Variants in NCKAP5 observed in about 807,000 individuals in gnomAD.
NCKAP5 encodes nck-associated protein 5.
Under a neutral mutation model 167.0 loss-of-function variants are expected in NCKAP5, and 92 were observed. That is an observed-to-expected ratio of 0.55 (90% CI 0.47 to 0.66). The LOEUF (loss-of-function observed/expected upper bound fraction) is 0.66, where lower values mean the gene tolerates loss of function less well. NCKAP5 is among the 30% of genes least tolerant of loss of function. The probability of loss-of-function intolerance (pLI) is 0.00; values close to 1 mark genes in which losing one functional copy is unlikely to be tolerated. For synonymous variants in NCKAP5, 891 were observed against 877.4 expected, an observed-to-expected ratio of 1.02 and a Z score of -0.27; for missense variants, 2,378 against 2,315.0, an observed-to-expected ratio of 1.03 and a Z score of -0.56.
chr2:132,820,252 CAG>C (rs1558819755), intron 11 of NCKAP5, among the ~76,000 whole-genome samples: 1 of 150,534 alleles, frequency 6.6e-6, no homozygotes, highest in African/African-American at 2.4e-5. Flanking sequence ...TTTTAAGAGA[CAG>C]AGTCTCACTC....
the NCKAP5 span, among the ~76,000 whole-genome samples, chr2:133,617,709 A>G: frequency 1.3e-5 from 2 of 151,664 alleles, no homozygotes; most frequent in Middle Eastern, 3.4e-3. Flanking sequence ...AATCAATATC[A>G]TGAAAATGGC....
At chr2:132,882,355 A>G (rs1691827744) in intron 8 of NCKAP5, among the ~76,000 whole-genome samples, 1 of 152,116 alleles carries the variant, frequency 6.6e-6, no homozygotes, top group South Asian at 2.1e-4. Context: ...TCCTACATGC[A>G]CAGGCTCAAC....
intron 3 of NCKAP5, among the ~76,000 whole-genome samples, chr2:133,457,285 C>T (rs2151218193): frequency 6.6e-6 from 1 of 152,268 alleles, no homozygotes; most frequent in South Asian, 2.1e-4. Flanking sequence ...GAATTTAGAG[C>T]ATTTTAAGAT....
chr2:133,159,183 G>C (rs977480593), intron 5 of NCKAP5, among the ~76,000 whole-genome samples: 1 of 152,102 alleles, frequency 6.6e-6, no homozygotes, highest in Non-Finnish European at 1.5e-5. Context: ...TGCGCCCAGT[G>C]CTGGCTCTGA....
At chr2:133,606,490 T>C in the NCKAP5 span, among the ~76,000 whole-genome samples, 1,118 of 152,246 alleles carry the variant, frequency 7.3e-3, 13 homozygotes, top group African/African-American at 0.026. Flanking sequence ...AATTTTAAAA[T>C]ACCCAACGCC....
At position 133,128,945 on chromosome 2, in the gene NCKAP5, ATTTT is replaced by A. The variant is rs10584100; in HGVS notation, c.341+1029_341+1032del. Among the ~76,000 whole-genome samples the A allele has an allele frequency of 9.8e-4, 127 of 130,056 alleles. 1 individual carries two copies. Among genetic ancestry groups the A allele is most frequent in the Admixed American group, 4.6e-3 (60 of 13,118 alleles). The allele number at this position is 130,056 out of a possible 152,430, so 85.3% of individuals were successfully genotyped here. ...TCTTTTTAAGGACAGAAACTCACTG[ATTTT>A]TTTTTTTTTTTTTTTTTTACTACTC... is the stretch of plus-strand genomic sequence containing the variant. On this transcript the variant is annotated intron_variant, in intron 6 of 19. Transcript: ENST00000409261.
chr2:133,429,293 C>CTT (rs11368799), intron 3 of NCKAP5, among the ~76,000 whole-genome samples: 4 of 151,022 alleles, frequency 2.6e-5, no homozygotes, highest in African/African-American at 7.4e-5. Context: ...TTTGGAGCTA[C>CTT]TTTTTTTTAA....
intron 4 of NCKAP5, among the ~76,000 whole-genome samples, chr2:133,293,234 T>C (rs1220509213): frequency 6.6e-6 from 1 of 152,184 alleles, no homozygotes; most frequent in African/African-American, 2.4e-5. Context: ...ATATGTTCTA[T>C]GATGAATTAA....
chr2:133,475,559 A>G (rs1679808235), intron 3 of NCKAP5, among the ~76,000 whole-genome samples: 1 of 152,210 alleles, frequency 6.6e-6, no homozygotes, highest in African/African-American at 2.4e-5. Context: ...GATCGAATAA[A>G]CAAATAAAGG....
chr2:133,453,881 T>C (rs959721923), intron 3 of NCKAP5, among the ~76,000 whole-genome samples: 8 of 151,710 alleles, frequency 5.3e-5, no homozygotes, highest in Middle Eastern at 3.4e-3. Flanking sequence ...AAGAAAGAAT[T>C]ACAGGAGAAA....
At chr2:132,940,610 A>G (rs1697225019) in intron 8 of NCKAP5, among the ~76,000 whole-genome samples, 1 of 152,220 alleles carries the variant, frequency 6.6e-6, no homozygotes, top group Non-Finnish European at 1.5e-5. Context: ...TATGATTGAC[A>G]GGATATTATG....
intron 6 of NCKAP5, among the ~76,000 whole-genome samples, chr2:133,107,005 A>G (rs1213510281): frequency 1.3e-5 from 2 of 152,116 alleles, no homozygotes; most frequent in Non-Finnish European, 2.9e-5. Flanking sequence ...CTTACATGGG[A>G]GCAATTTTTA....
chr2:133,633,120 T>C, the NCKAP5 span, among the ~76,000 whole-genome samples: 1 of 152,096 alleles, frequency 6.6e-6, no homozygotes, highest in Admixed American at 6.5e-5. Flanking sequence ...ACTAGTGAAC[T>C]TGGGGAAGAT....
chr2:133,164,235 A>G (rs1208100315), intron 5 of NCKAP5, among the ~76,000 whole-genome samples: 3 of 152,222 alleles, frequency 2.0e-5, no homozygotes, highest in South Asian at 4.1e-4. Flanking sequence ...GAAAAAAACC[A>G]ACTATGGTGC....
At chr2:132,775,448 A>G (rs1368663755) in intron 15 of NCKAP5, among the ~76,000 whole-genome samples, 3 of 152,228 alleles carry the variant, frequency 2.0e-5, no homozygotes, top group Non-Finnish European at 4.4e-5. Flanking sequence ...AGCGTTCAGT[A>G]TCAAGAGGCC....
intron 7 of NCKAP5, among the ~76,000 whole-genome samples, chr2:132,986,026 A>T (rs573205533): frequency 1.3e-5 from 2 of 152,258 alleles, no homozygotes; most frequent in African/African-American, 4.8e-5. Flanking sequence ...CTCACTGCCG[A>T]TCTACATATT....
intron 4 of NCKAP5, among the ~76,000 whole-genome samples, chr2:133,262,368 T>C (rs1399809369): frequency 1.3e-5 from 2 of 152,240 alleles, no homozygotes; most frequent in East Asian, 1.9e-4. Context: ...GCAAGTGCTA[T>C]GACTTATGTT....
At position 132,782,858 on chromosome 2, in the gene NCKAP5, G is replaced by A. The variant is rs1189517691; in HGVS notation, c.3953C>T (p.Ser1318Phe). The A allele has an allele frequency of 3.7e-6, 6 of 1,613,846 alleles. No individual in the cohort carries two copies. Among genetic ancestry groups the A allele is most frequent in the Non-Finnish European group, 5.1e-6 (6 of 1,179,878 alleles). The change falls in exon 14 of 20, where the codon TCC becomes TTC. Residue 1318 changes from serine to phenylalanine, a missense_variant. Physicochemically the swap from Ser to Phe is radical, Grantham distance 155. Coordinates refer to ENST00000409261, the MANE Select transcript of NCKAP5 (RefSeq NM_207363.3). Reference protein sequence around the residue: ...RGNSLTRQNSSTESSPNKAPS... With the variant: ...RGNSLTRQNSFTESSPNKAPS... Reference sequence around the variant, plus strand: ...GGCCTTGTTGGGAGAGCTTTCCGTGGAAGAGTTCTGCCGGGTAAGAGAATT... The same window carrying A: ...GGCCTTGTTGGGAGAGCTTTCCGTGAAAGAGTTCTGCCGGGTAAGAGAATT...
At chr2:133,414,848 T>C (rs971960202) in intron 3 of NCKAP5, among the ~76,000 whole-genome samples, 3 of 152,250 alleles carry the variant, frequency 2.0e-5, no homozygotes, top group African/African-American at 7.2e-5. Context: ...TTTTTACGTA[T>C]TCCTTAACAC....
Sources: gnomAD v4.1 joint callset for allele counts (sites outside exome capture counted in the v4.1 genomes callset) on GRCh38, gnomAD v4.1.1 for gene constraint, MANE v1.5 for transcripts, NCBI Gene and HGNC (gene_info 2026-07-23, HGNC 2026-07-21) for gene names.